HS6ST3: variants seen among roughly 807,000 people sequenced by gnomAD.
The protein encoded by HS6ST3 is heparan-sulfate 6-O-sulfotransferase 3.
In HS6ST3, 12 loss-of-function variants were observed where a neutral mutation model predicts 36.7. That is an observed-to-expected ratio of 0.33 (90% CI 0.21 to 0.53). The LOEUF (loss-of-function observed/expected upper bound fraction) is 0.53. HS6ST3 is among the 20% of genes least tolerant of loss of function. The pLI is 0.95. For synonymous variants in HS6ST3, 240 were observed against 257.5 expected, an observed-to-expected ratio of 0.93 and a Z score of 0.65; for missense variants, 584 against 640.9, an observed-to-expected ratio of 0.91 and a Z score of 0.96.
intron 1 of HS6ST3, among the ~76,000 whole-genome samples, chr13:96,510,526 G>A (rs145209143): frequency 6.6e-6 from 1 of 152,030 alleles, no homozygotes; most frequent in Non-Finnish European, 1.5e-5. Context: ...TCCCCACCAT[G>A]GGTAGCAGCA....
chr13:96,305,250 A>G (rs911122202), intron 1 of HS6ST3, among the ~76,000 whole-genome samples: 1 of 152,144 alleles, frequency 6.6e-6, no homozygotes, highest in Non-Finnish European at 1.5e-5. Flanking sequence ...TAATTGCTTG[A>G]TATATTTATA....
At chr13:96,279,550 C>T (rs1174657907) in intron 1 of HS6ST3, among the ~76,000 whole-genome samples, 1 of 152,118 alleles carries the variant, frequency 6.6e-6, no homozygotes, top group Non-Finnish European at 1.5e-5. Flanking sequence ...AGGTTGATTG[C>T]AGAAAGAAAA....
intron 1 of HS6ST3, among the ~76,000 whole-genome samples, chr13:96,201,676 G>T (rs550479580): frequency 6.6e-6 from 1 of 152,188 alleles, no homozygotes; most frequent in South Asian, 2.1e-4. Context: ...TGTATCCCCT[G>T]CTTTTAGAAC....
chr13:96,509,262 C>G (rs993306880), intron 1 of HS6ST3, among the ~76,000 whole-genome samples: 1 of 152,036 alleles, frequency 6.6e-6, no homozygotes, highest in Non-Finnish European at 1.5e-5. Flanking sequence ...AGTCCTTTGT[C>G]AGATTTGTAG....
At chr13:96,599,889 C>A (rs546492727) in intron 1 of HS6ST3, among the ~76,000 whole-genome samples, 1 of 151,994 alleles carries the variant, frequency 6.6e-6, no homozygotes, top group Admixed American at 6.6e-5. Context: ...CATTGTTGAC[C>A]CAGAGAGCAT....
rs186274800 is a variant in HS6ST3 at position 96,588,793 on chromosome 13, T to C, written c.708-243697T>C. Among the ~76,000 whole-genome samples, 3 of 152,280 alleles carry C rather than the reference T, an allele frequency of 2.0e-5. No homozygotes were observed. The East Asian group carries it at 5.8e-4, about 29-fold the overall frequency. ...GGCCAGGCATGGTGGCTCATGCCTG[T>C]AATTCTGGCACTTTGGGAAGCCGAG... On this transcript the variant is annotated intron_variant, in intron 1 of 1. Coordinates refer to ENST00000376705, the MANE Select transcript of HS6ST3 (RefSeq NM_153456.4).
At chr13:96,135,280 G>T (rs147926391) in intron 1 of HS6ST3, among the ~76,000 whole-genome samples, 1 of 152,108 alleles carries the variant, frequency 6.6e-6, no homozygotes, top group Admixed American at 6.6e-5. Flanking sequence ...AGTTATCACC[G>T]TGGACTTTCT....
intron 1 of HS6ST3, among the ~76,000 whole-genome samples, chr13:96,353,713 C>CA (rs1479927233): frequency 6.6e-6 from 1 of 151,808 alleles, no homozygotes. Context: ...ATGCAACAGC[C>CA]AAAGCTTTGA....
chr13:96,131,650 C>T (rs2053976157), intron 1 of HS6ST3, among the ~76,000 whole-genome samples: 1 of 151,776 alleles, frequency 6.6e-6, no homozygotes. Flanking sequence ...TGACCTTATT[C>T]CTCCCATCTA....
intron 1 of HS6ST3, among the ~76,000 whole-genome samples, chr13:96,657,333 G>C (rs2056629259): frequency 6.6e-6 from 1 of 151,982 alleles, no homozygotes; most frequent in Middle Eastern, 3.2e-3. Context: ...GACTGCAGTG[G>C]GAAGATCACT....
intron 1 of HS6ST3, among the ~76,000 whole-genome samples, chr13:96,476,394 C>T (rs973703465): frequency 3.9e-5 from 6 of 151,950 alleles, no homozygotes; most frequent in Non-Finnish European, 7.4e-5. Flanking sequence ...ATGGAGTCTT[C>T]CTCTGTCACC....
At chr13:96,508,968 C>A (rs1026168268) in intron 1 of HS6ST3, among the ~76,000 whole-genome samples, 1 of 152,038 alleles carries the variant, frequency 6.6e-6, no homozygotes, top group African/African-American at 2.4e-5. Context: ...ATATTCCTAC[C>A]AGTAGAATAT....
intron 1 of HS6ST3, among the ~76,000 whole-genome samples, chr13:96,478,530 G>A (rs1163052633): frequency 2.0e-5 from 3 of 152,036 alleles, no homozygotes; most frequent in Admixed American, 1.3e-4. Context: ...TAGTCTGATT[G>A]TTTACTCTCT....
At chr13:96,760,400 A>G (rs1484031101) in intron 1 of HS6ST3, among the ~76,000 whole-genome samples, 1 of 152,060 alleles carries the variant, frequency 6.6e-6, no homozygotes, top group Non-Finnish European at 1.5e-5. Context: ...CTTACCACTC[A>G]TATTTTTGCT....
intron 1 of HS6ST3, among the ~76,000 whole-genome samples, chr13:96,449,673 G>A (rs1458121135): frequency 6.6e-6 from 1 of 152,110 alleles, no homozygotes; most frequent in Non-Finnish European, 1.5e-5. Context: ...TCACATATAT[G>A]TGTATAACTC....
At chr13:96,179,236 G>A (rs1311418195) in intron 1 of HS6ST3, among the ~76,000 whole-genome samples, 1 of 152,098 alleles carries the variant, frequency 6.6e-6, no homozygotes, top group Non-Finnish European at 1.5e-5. Flanking sequence ...TTAACAGATG[G>A]GACCCCATTT....
intron 1 of HS6ST3, among the ~76,000 whole-genome samples, chr13:96,793,759 A>G (rs1277784706): frequency 6.6e-6 from 1 of 152,046 alleles, no homozygotes; most frequent in Non-Finnish European, 1.5e-5. Context: ...ATACCACAGG[A>G]TCACAACCAC....
At chr13:96,157,696 G>GA (rs368527310) in intron 1 of HS6ST3, among the ~76,000 whole-genome samples, 1 of 152,124 alleles carries the variant, frequency 6.6e-6, no homozygotes, top group Non-Finnish European at 1.5e-5. Flanking sequence ...ATTTCAGGAA[G>GA]AAAAAAATAA....
chr13:96,315,014 C>T (rs984609109), intron 1 of HS6ST3, among the ~76,000 whole-genome samples: 1 of 152,098 alleles, frequency 6.6e-6, no homozygotes, highest in African/African-American at 2.4e-5. Context: ...CCAAGTCTAA[C>T]ACTAGATCTG....
Sources: allele counts gnomAD v4.1 joint callset (sites outside exome capture counted in the v4.1 genomes callset), GRCh38; gene constraint gnomAD v4.1.1; transcripts MANE v1.5; gene names NCBI Gene and HGNC (gene_info 2026-07-23, HGNC 2026-07-21).